Variants in PPP2R2B observed in about 807,000 individuals in gnomAD.
PPP2R2B encodes the protein protein phosphatase 2 regulatory subunit Bbeta.
Under a neutral mutation model 46.0 loss-of-function variants are expected in PPP2R2B, and 5 were observed. The observed-to-expected ratio is 0.11, with a 90% CI of 0.06 to 0.23. The LOEUF (loss-of-function observed/expected upper bound fraction) is 0.23. Ranked by LOEUF, PPP2R2B falls within the 10% of genes least tolerant of loss-of-function variation. The probability of loss-of-function intolerance (pLI) is 1.00; values close to 1 mark genes in which losing one functional copy is unlikely to be tolerated. For missense variants in PPP2R2B, 367 were observed against 575.0 expected, an observed-to-expected ratio of 0.64 and a Z score of 3.70; for synonymous variants, 215 against 206.7, an observed-to-expected ratio of 1.04 and a Z score of -0.34.
At chr5:147,011,479 T>C (rs1235223204) in intron 1 of PPP2R2B, among the ~76,000 whole-genome samples, 1 of 152,210 alleles carries the variant, frequency 6.6e-6, no homozygotes. Context: ...GAAAGTATTA[T>C]GTAAAATTAC....
chr5:147,024,427 T>A (rs1399303369), intron 1 of PPP2R2B, among the ~76,000 whole-genome samples: 1 of 152,042 alleles, frequency 6.6e-6, no homozygotes, highest in Non-Finnish European at 1.5e-5. Context: ...AGAATGAATA[T>A]CAGTAATTAC....
At chr5:147,001,965 C>A (rs1754199369) in intron 1 of PPP2R2B, among the ~76,000 whole-genome samples, 1 of 152,058 alleles carries the variant, frequency 6.6e-6, no homozygotes, top group African/African-American at 2.4e-5. Context: ...GTTGGTTGAC[C>A]CTGCGGCCAT....
At chr5:146,722,615 T>G (rs1751599591) in intron 2 of PPP2R2B, among the ~76,000 whole-genome samples, 1 of 152,208 alleles carries the variant, frequency 6.6e-6, no homozygotes, top group Admixed American at 6.5e-5. Flanking sequence ...GAAATCTTAT[T>G]GCCTGACTGG....
chr5:146,654,431 A>G (rs539791849), intron 5 of PPP2R2B, among the ~76,000 whole-genome samples: 3 of 152,336 alleles, frequency 2.0e-5, no homozygotes, highest in African/African-American at 7.2e-5. Context: ...CAAGTCAAAA[A>G]TTGTGAAATA....
intron 5 of PPP2R2B, among the ~76,000 whole-genome samples, chr5:146,688,951 A>C (rs551806575): frequency 6.6e-6 from 1 of 152,194 alleles, no homozygotes; most frequent in Non-Finnish European, 1.5e-5. Context: ...GGCAAAAGAC[A>C]GTCTTATTCC....
chr5:146,732,415 C>T (rs112258257), intron 2 of PPP2R2B, among the ~76,000 whole-genome samples: 26 of 152,186 alleles, frequency 1.7e-4, no homozygotes, highest in African/African-American at 5.8e-4. Context: ...CAAGTGAAAA[C>T]CAATGGGAGG....
intron 2 of PPP2R2B, among the ~76,000 whole-genome samples, chr5:146,792,971 A>G (rs923297932): frequency 2.6e-5 from 4 of 152,192 alleles, no homozygotes; most frequent in African/African-American, 9.6e-5. Context: ...CAATATGGCT[A>G]CTGTGTGGAG....
At chr5:146,739,728 G>T (rs1308954900) in intron 2 of PPP2R2B, among the ~76,000 whole-genome samples, 1 of 152,170 alleles carries the variant, frequency 6.6e-6, no homozygotes, top group African/African-American at 2.4e-5. Flanking sequence ...CACATTCCAT[G>T]ATCACTATTT....
rs570501932 is a variant in PPP2R2B at position 146,591,781 on chromosome 5, G to C, written c.1052+1190C>G. Among the ~76,000 whole-genome samples, 22 of 151,074 alleles carry C rather than the reference G, an allele frequency of 1.5e-4. 2 individuals carry two copies. In the South Asian group the frequency reaches 4.6e-3, roughly 32 times the overall value. ...ATCTTAGGATTCAAACTCTAAACTTGTTACTTTTGTCTCTACTACTTACTA... is the reference window on the plus strand; with the variant it reads ...ATCTTAGGATTCAAACTCTAAACTTCTTACTTTTGTCTCTACTACTTACTA... On this transcript the variant is annotated intron_variant, in intron 9 of 9. Coordinates refer to ENST00000394411, the MANE Select transcript of PPP2R2B (RefSeq NM_181675.4).
chr5:146,732,418 A>G (rs565450207), intron 2 of PPP2R2B, among the ~76,000 whole-genome samples: 6 of 152,308 alleles, frequency 3.9e-5, no homozygotes, highest in East Asian at 3.9e-4. Flanking sequence ...GTGAAAACCA[A>G]TGGGAGGATG....
At chr5:146,744,325 C>T in intron 2 of PPP2R2B, among the ~76,000 whole-genome samples, 1 of 152,166 alleles carries the variant, frequency 6.6e-6, no homozygotes, top group East Asian at 1.9e-4. Context: ...TATGTCTCCG[C>T]AGCCAAAGAA....
intron 1 of PPP2R2B, among the ~76,000 whole-genome samples, chr5:146,991,434 G>C (rs1043960020): frequency 2.0e-5 from 3 of 152,114 alleles, no homozygotes; most frequent in Middle Eastern, 3.2e-3. Flanking sequence ...GGAGGCGGGA[G>C]AGGAGAACCA....
At chr5:147,081,159 C>T (rs1371217970) in intron 1 of PPP2R2B, 1 of 1,535,212 alleles carries the variant, frequency 6.5e-7, no homozygotes, top group African/African-American at 1.4e-5. Flanking sequence ...CAAGGAGACA[C>T]TTCAGGTTAG....
chr5:146,744,956 G>C (rs1582005076), intron 2 of PPP2R2B, among the ~76,000 whole-genome samples: 1 of 152,152 alleles, frequency 6.6e-6, no homozygotes, highest in Admixed American at 6.5e-5. Context: ...AGATCAGGCA[G>C]TTAAGAGACC....
At chr5:146,669,573 G>T (rs952230216) in intron 5 of PPP2R2B, among the ~76,000 whole-genome samples, 49 of 152,040 alleles carry the variant, frequency 3.2e-4, no homozygotes, top group African/African-American at 1.2e-3. Flanking sequence ...TTTTTCAAGA[G>T]TATTTTTACC....
chr5:146,945,153 T>C (rs2963083), intron 1 of PPP2R2B, among the ~76,000 whole-genome samples: 72,808 of 151,972 alleles, frequency 0.48, 19,999 homozygotes, highest in African/African-American at 0.73. Context: ...GCTTTGTACT[T>C]CCTACACACT....
At chr5:146,820,093 A>G (rs1758165505) in intron 2 of PPP2R2B, among the ~76,000 whole-genome samples, 1 of 152,190 alleles carries the variant, frequency 6.6e-6, no homozygotes, top group South Asian at 2.1e-4. Context: ...CAATGGGTAC[A>G]AAGCCAGTTA....
chr5:146,802,722 T>C (rs1279076410), intron 2 of PPP2R2B, among the ~76,000 whole-genome samples: 1 of 152,178 alleles, frequency 6.6e-6, no homozygotes, highest in Non-Finnish European at 1.5e-5. Flanking sequence ...TTCCTCAGCT[T>C]GGACACTCCA....
chr5:146,898,534 T>C lies in PPP2R2B; in HGVS notation c.79+157131A>G, dbSNP rs1351298618. 2.1e-4 allele frequency among the ~76,000 whole-genome samples: 32 copies of C among 151,758 alleles called. No homozygotes were observed. The East Asian group carries it at 6.2e-3, about 29-fold the overall frequency. On this transcript the variant is annotated intron_variant, in intron 1 of 8. Transcript: ENST00000336640. ...ACCATAAAAACCCTAGAAGAAAACC[T>C]AGGCATTACCATTCAGGACATAGGC...
Sources: gnomAD v4.1 joint callset for allele counts (sites outside exome capture counted in the v4.1 genomes callset) on GRCh38, gnomAD v4.1.1 for gene constraint, MANE v1.5 for transcripts, NCBI Gene and HGNC (gene_info 2026-07-23, HGNC 2026-07-21) for gene names.